CNOT6L: variants seen among roughly 807,000 people sequenced by gnomAD.
CNOT6L encodes the protein CCR4-NOT transcription complex subunit 6-like.
CNOT6L carries 7 observed loss-of-function variants against 64.0 expected under a neutral mutation model. The ratio of observed to expected loss-of-function variants is 0.11; its 90% CI spans 0.06 to 0.21. The LOEUF (loss-of-function observed/expected upper bound fraction) is 0.21. CNOT6L is among the 10% of genes least tolerant of loss of function. The pLI is 1.00. For missense variants in CNOT6L, 245 were observed against 669.0 expected, an observed-to-expected ratio of 0.37 and a Z score of 6.99; for synonymous variants, 193 against 243.4, an observed-to-expected ratio of 0.79 and a Z score of 1.93.
chr4:77,781,435 G>A (rs1370397111), intron 1 of CNOT6L, among the ~76,000 whole-genome samples: 1 of 152,264 alleles, frequency 6.6e-6, no homozygotes, highest in Admixed American at 6.5e-5. Context: ...AATATTATAT[G>A]TAACGCTAGG....
intron 1 of CNOT6L, among the ~76,000 whole-genome samples, chr4:77,805,984 C>G (rs920873490): frequency 3.9e-5 from 6 of 152,342 alleles, no homozygotes; most frequent in African/African-American, 1.2e-4. Flanking sequence ...CTTGACCTGC[C>G]TCTTCCGTTT....
chr4:77,760,293 T>C (rs890223794), intron 4 of CNOT6L, among the ~76,000 whole-genome samples: 1 of 152,064 alleles, frequency 6.6e-6, no homozygotes, highest in African/African-American at 2.4e-5. Flanking sequence ...GAGGATTGCT[T>C]GGGTGCTGGA....
intron 1 of CNOT6L, among the ~76,000 whole-genome samples, chr4:77,796,450 G>A (rs1175482349): frequency 6.6e-6 from 1 of 151,968 alleles, no homozygotes; most frequent in South Asian, 2.1e-4. Flanking sequence ...TGAAGGGGAT[G>A]TGTGGCACTT....
rs1445105103 is a variant in CNOT6L at position 77,715,689 on chromosome 4, A to ACTGCTTTTTTTTC, written c.*4729_*4741dup. 6.6e-6 allele frequency: 1 copy of ACTGCTTTTTTTTC among 152,504 alleles called. No individual in the cohort carries two copies. Among genetic ancestry groups the ACTGCTTTTTTTTC allele is most frequent in the Admixed American group, 6.6e-5 (1 of 15,238 alleles). 9.4% of individuals were successfully genotyped at this position (152,504 alleles called of 1,614,324 possible). A position where few individuals can be genotyped will look rare whatever the true frequency, so the allele number is the denominator to read the frequency against. On this transcript the variant is annotated 3_prime_UTR_variant, in exon 12 of 12. Transcript: ENST00000504123. Reference sequence around the variant, plus strand: ...CTTCCTTACCACCTTCCTGGAAAGAACTGCTTTTTTTTCTTTCTTTCTGTG... The same window carrying ACTGCTTTTTTTTC: ...CTTCCTTACCACCTTCCTGGAAAGAACTGCTTTTTTTTCCTGCTTTTTTTTCTTTCTTTCTGTG...
chr4:77,819,739 G>A (rs1283228276), upstream of CNOT6L: 59 of 151,112 alleles, frequency 3.9e-4, 1 homozygote, highest in Admixed American at 3.9e-3. Flanking sequence ...CCGGAGGGGA[G>A]AGGCACCGGC....
intron 1 of CNOT6L, among the ~76,000 whole-genome samples, chr4:77,781,546 T>A (rs1022301312): frequency 1.2e-4 from 18 of 152,136 alleles, no homozygotes; most frequent in Admixed American, 8.5e-4. Context: ...AAACTACATA[T>A]GAAATACATA....
chr4:77,737,198 TCTGACCC>T (rs1723050047), intron 8 of CNOT6L, among the ~76,000 whole-genome samples: 1 of 152,146 alleles, frequency 6.6e-6, no homozygotes. Flanking sequence ...CAAAGTTAAC[TCTGACCC>T]TTTCTGGATC....
At chr4:77,789,655 G>A (rs1043203269) in intron 1 of CNOT6L, among the ~76,000 whole-genome samples, 7 of 150,322 alleles carry the variant, frequency 4.7e-5, no homozygotes, top group Non-Finnish European at 7.4e-5. Context: ...GGGAAACCCC[G>A]CCTCAAAAAA....
intron 1 of CNOT6L, among the ~76,000 whole-genome samples, chr4:77,779,054 A>C (rs1256745278): frequency 1.1e-4 from 10 of 93,020 alleles, no homozygotes; most frequent in Admixed American, 3.6e-4. Context: ...CTCAAAAAAA[A>C]AAAAAAAACA....
chr4:77,780,995 C>G (rs1478578826), intron 1 of CNOT6L, among the ~76,000 whole-genome samples: 1 of 152,104 alleles, frequency 6.6e-6, no homozygotes, highest in African/African-American at 2.4e-5. Flanking sequence ...AAAAAACATG[C>G]AGCCATAAAA....
intron 1 of CNOT6L, among the ~76,000 whole-genome samples, chr4:77,782,247 ATG>A (rs1291292183): frequency 6.6e-6 from 1 of 152,168 alleles, no homozygotes; most frequent in African/African-American, 2.4e-5. Flanking sequence ...TCCTGAGAAA[ATG>A]TGTCTGTGTT....
chr4:77,797,866 A>C (rs1049802132), intron 1 of CNOT6L, among the ~76,000 whole-genome samples: 5 of 152,194 alleles, frequency 3.3e-5, no homozygotes, highest in African/African-American at 1.2e-4. Context: ...CACAGGCCTA[A>C]ATTTAAGAGC....
At position 77,774,677 on chromosome 4, in the gene CNOT6L, G is replaced by A; in HGVS notation, c.167C>T (p.Thr56Ile). Residue 56 changes from threonine to isoleucine, a missense_variant, in exon 3 of 12, where the codon ACA (threonine) becomes ATA (isoleucine). By Grantham distance (89) the Thr-to-Ile change is moderately conservative. Around this residue, in one of 10 missense-constraint regions of CNOT6L, gnomAD observed 78 missense variants for 137.6 expected, o/e 0.57. Coordinates refer to ENST00000504123, the MANE Select transcript of CNOT6L (RefSeq NM_144571.3). ...ATTTAGGTGCAGCGCTGTCAAGTGT[G>A]TCAATGACCAAAGTGATGTACTTAG... ...RSLSTSLWSL[T>I]HLTALHLNDN... 6.2e-7 allele frequency: 1 copy of A among 1,611,840 alleles called. No individual in the cohort carries two copies. The highest frequency in any genetic ancestry group is 8.5e-7 in the Non-Finnish European group (1 of 1,178,982).
intron 1 of CNOT6L, among the ~76,000 whole-genome samples, chr4:77,786,700 C>T (rs1729487561): frequency 6.6e-6 from 1 of 151,680 alleles, no homozygotes; most frequent in Admixed American, 6.6e-5. Context: ...TGGTCTTGAA[C>T]TCCTGAGCTC....
At chr4:77,778,307 T>A (rs1431348821) in intron 1 of CNOT6L, among the ~76,000 whole-genome samples, 2 of 151,948 alleles carry the variant, frequency 1.3e-5, no homozygotes, top group East Asian at 3.9e-4. Flanking sequence ...ATCAAATAGA[T>A]CTAGATCCAA....
chr4:77,794,789 A>G (rs113667545), intron 1 of CNOT6L, among the ~76,000 whole-genome samples: 117 of 152,314 alleles, frequency 7.7e-4, no homozygotes, highest in Middle Eastern at 3.4e-3. Context: ...ATCAAGCAAG[A>G]GAGAAGATAT....
At chr4:77,811,007 T>G (rs1013498385) in intron 1 of CNOT6L, among the ~76,000 whole-genome samples, 1 of 152,232 alleles carries the variant, frequency 6.6e-6, no homozygotes, top group Non-Finnish European at 1.5e-5. Flanking sequence ...TCATTCTTTA[T>G]GGCTGAAGTA....
At chr4:77,799,818 A>C (rs1731307718) in intron 1 of CNOT6L, among the ~76,000 whole-genome samples, 1 of 152,100 alleles carries the variant, frequency 6.6e-6, no homozygotes, top group South Asian at 2.1e-4. Flanking sequence ...GAGCTCTTTC[A>C]TTCAAAGTAA....
At chr4:77,776,761 A>G (rs1449395657) in intron 1 of CNOT6L, among the ~76,000 whole-genome samples, 3 of 152,210 alleles carry the variant, frequency 2.0e-5, no homozygotes, top group African/African-American at 7.2e-5. Context: ...TCCTTTCCTC[A>G]GTGATATTCA....
Sources: allele counts gnomAD v4.1 joint callset (sites outside exome capture counted in the v4.1 genomes callset), GRCh38; gene constraint gnomAD v4.1.1; regional missense constraint gnomAD v4.1.1; transcripts MANE v1.5; gene names NCBI Gene and HGNC (gene_info 2026-07-23, HGNC 2026-07-21).